The following JAM3 variants were observed in gnomAD, a reference collection of about 807,000 sequenced individuals.
The protein encoded by JAM3 is junctional adhesion molecule 3.
A neutral mutation model predicts 39.4 loss-of-function variants in JAM3; 31 were observed. That is an observed-to-expected ratio of 0.79 (90% CI 0.59 to 1.06). The LOEUF (loss-of-function observed/expected upper bound fraction) is 1.06. Among genes scored for constraint, JAM3 ranks in the 50% least tolerant of loss-of-function variants. JAM3 has a pLI of 0.00. For missense variants in JAM3, 455 were observed against 391.4 expected (o/e 1.16, Z -1.37); for synonymous variants, 182 against 148.7 (o/e 1.22, Z -1.63).
intron 1 of JAM3, among the ~76,000 whole-genome samples, chr11:134,074,701 C>T (rs1319275170): frequency 3.9e-5 from 6 of 152,110 alleles, no homozygotes; most frequent in Admixed American, 3.3e-4. Flanking sequence ...CTGTTCAAAG[C>T]GAGCCAAAAT....
intron 1 of JAM3, among the ~76,000 whole-genome samples, chr11:134,082,222 G>A (rs1029152793): frequency 6.6e-6 from 1 of 152,212 alleles, no homozygotes; most frequent in African/African-American, 2.4e-5. Context: ...TAACTAACTT[G>A]CTTTTGATTT....
intron 1 of JAM3, among the ~76,000 whole-genome samples, chr11:134,078,752 T>C (rs1288747572): frequency 6.6e-6 from 1 of 152,126 alleles, no homozygotes; most frequent in Non-Finnish European, 1.5e-5. Flanking sequence ...AAATACAAAA[T>C]TATGGGCCGA....
chr11:134,124,778 TGTTA>T (rs923308359), intron 1 of JAM3, among the ~76,000 whole-genome samples: 4 of 151,912 alleles, frequency 2.6e-5, no homozygotes, highest in African/African-American at 9.7e-5. Context: ...TTCAAGGCAG[TGTTA>T]ATTATGGCAC....
At chr11:134,125,024 G>T (rs916020994) in intron 1 of JAM3, among the ~76,000 whole-genome samples, 1 of 152,206 alleles carries the variant, frequency 6.6e-6, no homozygotes, top group African/African-American at 2.4e-5. Context: ...ACACCCGCCC[G>T]GTGGCGGCGG....
intron 1 of JAM3, among the ~76,000 whole-genome samples, chr11:134,115,572 C>T (rs1565493983): frequency 6.6e-6 from 1 of 152,006 alleles, no homozygotes; most frequent in Non-Finnish European, 1.5e-5. Context: ...TTGAGTTTAT[C>T]TGATGTTTTC....
chr11:134,120,886 T>C (rs999233620), intron 1 of JAM3, among the ~76,000 whole-genome samples: 3 of 152,218 alleles, frequency 2.0e-5, no homozygotes, highest in African/African-American at 7.2e-5. Context: ...TTTAATAATA[T>C]TTTATGTTAG....
At chr11:134,095,309 T>A (rs1029729649) in intron 1 of JAM3, among the ~76,000 whole-genome samples, 2 of 152,152 alleles carry the variant, frequency 1.3e-5, no homozygotes, top group Non-Finnish European at 2.9e-5. Flanking sequence ...CTTTTTTTTT[T>A]ATTGGCACAT....
Position 134,151,809 on chromosome 11 carries a change from G to A in JAM3, c.*2628G>A, listed in dbSNP as rs933611068. The A allele has an allele frequency of 6.6e-6, 1 of 151,912 alleles. No individual in the cohort carries two copies. Among genetic ancestry groups the A allele is most frequent in the African/African-American group, 2.4e-5 (1 of 41,382 alleles). 9.4% of individuals were successfully genotyped at this position (151,912 alleles called of 1,614,324 possible). A position where few individuals can be genotyped will look rare whatever the true frequency, so the allele number is the denominator to read the frequency against. On this transcript the variant is annotated 3_prime_UTR_variant, in exon 9 of 9. Coordinates refer to ENST00000299106, the MANE Select transcript of JAM3 (RefSeq NM_032801.5). ...ACGTTGGGTTTGTCTCTTCTTCCTA[G>A]CATTTCAGTGGTTAGGCATGCACAC...
At chr11:134,119,666 G>A (rs2120765611) in intron 1 of JAM3, among the ~76,000 whole-genome samples, 1 of 152,326 alleles carries the variant, frequency 6.6e-6, no homozygotes, top group South Asian at 2.1e-4. Flanking sequence ...TGGAGAGGAG[G>A]CCAGTCTTTG....
intron 6 of JAM3, chr11:134,148,339 A>G (rs2120381810): frequency 1.6e-6 from 1 of 617,412 alleles, no homozygotes; most frequent in Non-Finnish European, 2.9e-6. Flanking sequence ...AAGTCTCAGT[A>G]CTTTTCACGT....
At chr11:134,139,689 C>G in intron 1 of JAM3, 162 bp from the exon 2 acceptor site, 1 of 658,990 alleles carries the variant, frequency 1.5e-6, no homozygotes, top group Admixed American at 2.1e-5. Context: ...AGAGAGAAAG[C>G]AGTTAACTTG....
At chr11:134,098,528 T>C (rs116264254) in intron 1 of JAM3, among the ~76,000 whole-genome samples, 1,555 of 152,246 alleles carry the variant, frequency 0.01, 23 homozygotes, top group African/African-American at 0.035. Flanking sequence ...TCAGAACCAT[T>C]AGTGTCGGGG....
chr11:134,069,431 C>T (rs1941450778), intron 1 of JAM3, among the ~76,000 whole-genome samples: 1 of 152,134 alleles, frequency 6.6e-6, no homozygotes, highest in African/African-American at 2.4e-5. Flanking sequence ...GGCAGTGAGT[C>T]GGTCCCGGAC....
intron 1 of JAM3, chr11:134,124,355 G>C (rs549518828): frequency 2.5e-5 from 18 of 706,416 alleles, no homozygotes; most frequent in African/African-American, 2.5e-4. Context: ...GTGAGTGTGC[G>C]TGTGAGTGTG....
intron 1 of JAM3, chr11:134,124,340 A>G: frequency 1.3e-6 from 1 of 749,006 alleles, no homozygotes; most frequent in Non-Finnish European, 2.4e-6. Context: ...TGGCAAATGA[A>G]AAATGTGAGT....
intron 1 of JAM3, among the ~76,000 whole-genome samples, chr11:134,109,047 C>A (rs1433315682): frequency 1.3e-5 from 2 of 152,132 alleles, no homozygotes; most frequent in African/African-American, 4.8e-5. Context: ...ACCTCCACCT[C>A]CCAGGTTCAA....
chr11:134,150,857 T>C lies in JAM3; in HGVS notation c.*1676T>C, dbSNP rs1009747556. The C allele has an allele frequency of 7.9e-5, 12 of 152,128 alleles. No individual in the cohort carries two copies. Among genetic ancestry groups the C allele is most frequent in the Non-Finnish European group, 1.5e-4 (10 of 67,988 alleles). The allele number at this position is 152,128 out of a possible 1,614,324, so 9.4% of individuals were successfully genotyped here. On this transcript the variant is annotated 3_prime_UTR_variant, in exon 9 of 9. Coordinates refer to ENST00000299106, the MANE Select transcript of JAM3 (RefSeq NM_032801.5). Reference sequence around the variant, plus strand: ...GGCCAGTCCAGCCTTTTAAAGAACGTCAGGTGGAGCAGCCAGGTGAAAGGC... The same window carrying C: ...GGCCAGTCCAGCCTTTTAAAGAACGCCAGGTGGAGCAGCCAGGTGAAAGGC...
chr11:134,115,422 CTTTGTTCT>C (rs1348006180), intron 1 of JAM3, among the ~76,000 whole-genome samples: 1 of 123,678 alleles, frequency 8.1e-6, no homozygotes, highest in Non-Finnish European at 1.6e-5. Flanking sequence ...TTCATCTGTT[CTTTGTTCT>C]TTTGTTCTTT....
intron 1 of JAM3, among the ~76,000 whole-genome samples, chr11:134,113,004 CTCCAG>C (rs1257855456): frequency 1.3e-5 from 2 of 152,154 alleles, no homozygotes; most frequent in Non-Finnish European, 1.5e-5. Flanking sequence ...CAACAGAGCA[CTCCAG>C]TCCAGTGCAC....
Sources: gnomAD v4.1 joint callset for allele counts (sites outside exome capture counted in the v4.1 genomes callset) on GRCh38, gnomAD v4.1.1 for gene constraint, MANE v1.5 for transcripts, NCBI Gene and HGNC (gene_info 2026-07-23, HGNC 2026-07-21) for gene names.